Variants in UNC13B observed in about 807,000 individuals in gnomAD.
The protein encoded by UNC13B is unc-13 homolog B, also known as protein unc-13 homolog B.
UNC13B carries 144 observed loss-of-function variants against 211.0 expected under a neutral mutation model. That is an observed-to-expected ratio of 0.68 (90% CI 0.60 to 0.78). The LOEUF (loss-of-function observed/expected upper bound fraction) is 0.78. Among genes scored for constraint, UNC13B ranks in the 30% least tolerant of loss-of-function variants. UNC13B has a pLI of 0.00. For synonymous variants in UNC13B, 709 were observed against 725.8 expected, an observed-to-expected ratio of 0.98 and a Z score of 0.37; for missense variants, 1,777 against 2,002.0, an observed-to-expected ratio of 0.89 and a Z score of 2.14.
chr9:35,169,804 G>T (rs956270606), intron 1 of UNC13B, among the ~76,000 whole-genome samples: 44 of 152,222 alleles, frequency 2.9e-4, no homozygotes, highest in Non-Finnish European at 4.4e-4. Flanking sequence ...CTAAAAATGG[G>T]GTTTCTGAAA....
chr9:35,389,354 G>A (rs556736283), intron 24 of UNC13B, among the ~76,000 whole-genome samples: 2 of 152,262 alleles, frequency 1.3e-5, no homozygotes, highest in East Asian at 1.9e-4. Flanking sequence ...GCTGAAATGC[G>A]CACCAGATCT....
intron 3 of UNC13B, among the ~76,000 whole-genome samples, chr9:35,234,650 G>A (rs1022413742): frequency 1.3e-5 from 2 of 152,132 alleles, no homozygotes; most frequent in African/African-American, 2.4e-5. Flanking sequence ...CAAAAACTGA[G>A]TCCTATATTA....
At chr9:35,384,488 A>G (rs1160970203) in intron 22 of UNC13B, 174 bp downstream of exon 22, 1 of 985,460 alleles carries the variant, frequency 1.0e-6, no homozygotes. Flanking sequence ...TCCAGGGACC[A>G]TGTGGTGTAT....
At chr9:35,201,895 T>C (rs1297935266) in intron 1 of UNC13B, among the ~76,000 whole-genome samples, 1 of 152,182 alleles carries the variant, frequency 6.6e-6, no homozygotes, top group Non-Finnish European at 1.5e-5. Flanking sequence ...TGAATGTGTT[T>C]GCTCTTGCTT....
chr9:35,191,052 C>T (rs753065586), intron 1 of UNC13B, among the ~76,000 whole-genome samples: 3 of 152,110 alleles, frequency 2.0e-5, no homozygotes, highest in African/African-American at 4.8e-5. Flanking sequence ...TCCCATCTCC[C>T]GGGTTCCAAT....
In UNC13B at chr9:35,378,287, G is replaced by A; in HGVS notation, c.10064-8G>A. 1.9e-6 allele frequency: 3 copies of A among 1,614,110 alleles called. No individual in the cohort carries two copies. The South Asian group carries it at 3.3e-5, about 18-fold the overall frequency. On this transcript the variant is annotated splice_polypyrimidine_tract_variant and splice_region_variant and intron_variant, in intron 16 of 39. Transcript: ENST00000635942. ...CTCTGAAGCCTCCTATACATGCTTGGGTTGCAGTGGTGTGTGCCCAGGGCC... is the reference window on the plus strand; with the variant it reads ...CTCTGAAGCCTCCTATACATGCTTGAGTTGCAGTGGTGTGTGCCCAGGGCC...
chr9:35,248,925 C>G (rs1826276889), intron 6 of UNC13B, among the ~76,000 whole-genome samples: 1 of 152,128 alleles, frequency 6.6e-6, no homozygotes, highest in African/African-American at 2.4e-5. Flanking sequence ...AACTTTCTGT[C>G]TCGTTGAGCT....
intron 1 of UNC13B, among the ~76,000 whole-genome samples, chr9:35,189,217 A>G (rs1822519428): frequency 6.6e-6 from 1 of 152,212 alleles, no homozygotes; most frequent in Non-Finnish European, 1.5e-5. Context: ...AAAACTGTTT[A>G]GTGACCTCAA....
At chr9:35,268,924 A>G (rs1827725806) in intron 7 of UNC13B, among the ~76,000 whole-genome samples, 1 of 152,198 alleles carries the variant, frequency 6.6e-6, no homozygotes, top group African/African-American at 2.4e-5. Context: ...TTGCAAAATG[A>G]TGATTTTCTA....
chr9:35,385,095 A>T, intron 22 of UNC13B: 1 of 985,466 alleles, frequency 1.0e-6, no homozygotes, highest in Non-Finnish European at 1.2e-6. Context: ...AAAACTGACC[A>T]TTAATGTGAA....
At chr9:35,198,901 T>G (rs1823100871) in intron 1 of UNC13B, among the ~76,000 whole-genome samples, 3 of 152,204 alleles carry the variant, frequency 2.0e-5, no homozygotes, top group Non-Finnish European at 4.4e-5. Flanking sequence ...AGGGTACATG[T>G]GCACAACGTG....
chr9:35,358,648 T>C (rs1490709931), intron 11 of UNC13B, among the ~76,000 whole-genome samples: 1 of 152,080 alleles, frequency 6.6e-6, no homozygotes, highest in Non-Finnish European at 1.5e-5. Flanking sequence ...TCCTATTTTT[T>C]TTATGAGTTT....
chr9:35,313,625 AAAATAAATAAATAAATAAATAAAT>A (rs149145175), intron 10 of UNC13B, among the ~76,000 whole-genome samples: 12 of 134,048 alleles, frequency 9.0e-5, no homozygotes, highest in African/African-American at 2.5e-4. Context: ...ACCCTGTCTC[AAAATAAATAAATAAATAAATAAAT>A]AAATAAATAA....
rs1383203279 is a variant in UNC13B at position 35,404,106 on chromosome 9, A to AC, written c.*75dup. ...AGGGCCAGTGGGAGTTAGCTGTGTA[A>AC]CCGGCTTAGGGTCTTTGCAGTCAAG... On this transcript the variant is annotated 3_prime_UTR_variant, in exon 40 of 40. Coordinates refer to ENST00000635942, the MANE Select transcript of UNC13B (RefSeq NM_001371189.2). 1.3e-6 allele frequency: 2 copies of AC among 1,552,560 alleles called. No individual in the cohort carries two copies. The highest frequency in any genetic ancestry group is 2.7e-5 in the African/African-American group (2 of 74,054).
At chr9:35,388,666 G>A (rs1022752749) in intron 24 of UNC13B, among the ~76,000 whole-genome samples, 4 of 152,138 alleles carry the variant, frequency 2.6e-5, no homozygotes, top group African/African-American at 9.7e-5. Flanking sequence ...CAGAGTGTGC[G>A]GCACATAATA....
intron 11 of UNC13B, among the ~76,000 whole-genome samples, chr9:35,341,026 T>A (rs1323388271): frequency 6.6e-6 from 1 of 152,198 alleles, no homozygotes; most frequent in African/African-American, 2.4e-5. Flanking sequence ...GAGAGCCACC[T>A]GGCTAGTGAG....
In UNC13B at chr9:35,194,055, C is replaced by T. The variant is rs558612892; in HGVS notation, c.22+31750C>T. On this transcript the variant is annotated intron_variant, in intron 1 of 39. Transcript: ENST00000635942. ...CTCTCCAGACCAAGGGCAGAGTGAC[C>T]TGGAAGTTCCGTTTGCTCTCCAGAC... is the stretch of plus-strand genomic sequence containing the variant. Among the ~76,000 whole-genome samples the T allele has an allele frequency of 3.3e-5, 5 of 152,126 alleles. No homozygotes were observed. In the South Asian group the frequency reaches 8.3e-4, roughly 25 times the overall value.
At chr9:35,235,630 G>A (rs1252635719) in intron 3 of UNC13B, among the ~76,000 whole-genome samples, 1 of 152,046 alleles carries the variant, frequency 6.6e-6, no homozygotes, top group Admixed American at 6.6e-5. Context: ...GTAGAGACAG[G>A]GTTTTGCAAC....
chr9:35,164,109 T>A (rs1483544021), intron 1 of UNC13B, among the ~76,000 whole-genome samples: 1 of 152,176 alleles, frequency 6.6e-6, no homozygotes, highest in Non-Finnish European at 1.5e-5. Context: ...CTCCACCTCC[T>A]GGGTTCAAGT....
Sources: gnomAD v4.1 joint callset for allele counts (sites outside exome capture counted in the v4.1 genomes callset) on GRCh38, gnomAD v4.1.1 for gene constraint, MANE v1.5 for transcripts, NCBI Gene and HGNC (gene_info 2026-07-23, HGNC 2026-07-21) for gene names.